MTM1: variants seen among roughly 807,000 people sequenced by gnomAD.
MTM1 encodes the protein myotubularin.
Under a neutral mutation model 52.1 loss-of-function variants are expected in MTM1, and 9 were observed. The ratio of observed to expected loss-of-function variants is 0.17; its 90% CI spans 0.10 to 0.30. The LOEUF (loss-of-function observed/expected upper bound fraction) is 0.30, where lower values mean the gene tolerates loss of function less well. Among genes scored for constraint, MTM1 ranks in the 10% least tolerant of loss-of-function variants. MTM1 has a pLI of 1.00. For missense variants in MTM1, 277 were observed against 470.7 expected (o/e 0.59, Z 3.81); for synonymous variants, 136 against 163.8 (o/e 0.83, Z 1.29).
rs782366890 is a variant in MTM1, at chrX:150,603,366, A to G, written c.231+4680A>G. On this transcript the variant is annotated intron_variant, in intron 4 of 14. Coordinates refer to ENST00000370396, the MANE Select transcript of MTM1 (RefSeq NM_000252.3). ...AGTTACACAGACAATGACATATCCA[A>G]TGTGATTTCAGGAAGAGAACTCCAG... Among the ~76,000 whole-genome samples, 7 of 111,923 alleles carry G rather than the reference A, an allele frequency of 6.3e-5. No individual in the cohort carries two copies. In the East Asian group the frequency reaches 1.4e-3, roughly 22 times the overall value.
intron 8 of MTM1, among the ~76,000 whole-genome samples, chrX:150,642,073 T>C (rs1423281075): frequency 2.0e-5 from 2 of 99,222 alleles, no homozygotes; most frequent in Non-Finnish European, 4.2e-5. Context: ...GGGTCTGTCA[T>C]AAGTACCTTG....
chrX:150,612,226 C>T (rs1328248361), intron 4 of MTM1, among the ~76,000 whole-genome samples: 3 of 110,636 alleles, frequency 2.7e-5, no homozygotes, highest in Non-Finnish European at 3.8e-5. Flanking sequence ...TTTCATTCCA[C>T]GTGATGCCCT....
intron 1 of MTM1, among the ~76,000 whole-genome samples, chrX:150,586,939 A>G (rs889933410): frequency 1.9e-5 from 2 of 107,211 alleles, no homozygotes; most frequent in African/African-American, 6.8e-5. Context: ...AGCATAAAGC[A>G]TCTCTGGTAG....
intron 1 of MTM1, chrX:150,590,962 C>G: frequency 1.6e-6 from 1 of 636,856 alleles, no homozygotes; most frequent in Non-Finnish European, 1.9e-6. Flanking sequence ...GCAGATACAT[C>G]TGACTTGCTC....
At chrX:150,658,690 A>G (rs1557414555) in intron 11 of MTM1, among the ~76,000 whole-genome samples, 1 of 111,609 alleles carries the variant, frequency 9.0e-6, no homozygotes, top group Non-Finnish European at 1.9e-5. Flanking sequence ...TGCCCTCTGA[A>G]TATACATTTT....
chrX:150,609,010 A>G (rs1269444470), intron 4 of MTM1, among the ~76,000 whole-genome samples: 1 of 110,473 alleles, frequency 9.1e-6, no homozygotes, highest in Non-Finnish European at 1.9e-5. Context: ...TTGTATTTTT[A>G]GTAGAGACGG....
chrX:150,627,431 G>A (rs1557413446), intron 6 of MTM1, among the ~76,000 whole-genome samples: 1 of 111,154 alleles, frequency 9.0e-6, no homozygotes, highest in Non-Finnish European at 1.9e-5. Flanking sequence ...CTTCTACTTC[G>A]GCTGTGCCTG....
intron 14 of MTM1, among the ~76,000 whole-genome samples, chrX:150,666,335 C>T (rs1475041907): frequency 8.9e-6 from 1 of 112,281 alleles, no homozygotes; most frequent in African/African-American, 3.2e-5. Context: ...ATTTTATACC[C>T]ATTACTTGAC....
At position 150,671,491 on chromosome X, in the gene MTM1, C is replaced by T. The variant is rs1320557351; in HGVS notation, c.1708C>T (p.Arg570Trp). The T allele has an allele frequency of 8.3e-7, 1 of 1,210,825 alleles. No individual in the cohort carries two copies. The highest frequency in any genetic ancestry group is 2.2e-5 in the Admixed American group (1 of 45,937). Residue 570 changes from arginine to tryptophan, a missense_variant, in exon 15 of 15, where the codon CGG becomes TGG. Transcript: ENST00000370396. ...AGCCTTACGCGACGAATACATAAAG[C>T]GGCTTGAGGAACTGCAGCTCGCCAA... ...LLALRDEYIK[R>W]LEELQLANSA... is the part of the protein sequence containing the mutation.
In MTM1 at chrX:150,649,794, G is replaced by C; in HGVS notation, c.946G>C (p.Val316Leu). The change falls in exon 10 of 15, where the codon GTT becomes CTT. Residue 316 changes from valine to leucine, a missense_variant. Transcript: ENST00000370396. The part of the protein sequence containing the change: ...LFFLDIHNIH[V>L]MRESLKKVKD... ...CTTCTTAGACATTCATAATATTCAT[G>C]TTATGCGGGAATCTTTAAAAAAAGT... is the stretch of plus-strand genomic sequence containing the variant. The C allele has an allele frequency of 5.0e-6, 6 of 1,207,011 alleles. No homozygotes were observed. The highest frequency in any genetic ancestry group is 6.7e-6 in the Non-Finnish European group (6 of 891,758).
upstream of MTM1, among the ~76,000 whole-genome samples, chrX:150,565,000 T>G (rs2038244319): frequency 8.9e-6 from 1 of 111,959 alleles, no homozygotes; most frequent in African/African-American, 3.3e-5. Context: ...AAAACCCATT[T>G]CACAGATGAG....
chrX:150,607,717 T>G (rs1557412866), intron 4 of MTM1, among the ~76,000 whole-genome samples: 1 of 111,651 alleles, frequency 9.0e-6, no homozygotes, highest in African/African-American at 3.3e-5. Context: ...ATTCTCTAGC[T>G]CCAGTTCCAA....
intron 4 of MTM1, among the ~76,000 whole-genome samples, chrX:150,614,241 A>G: frequency 8.9e-6 from 1 of 112,328 alleles, no homozygotes; most frequent in East Asian, 2.8e-4. Context: ...AAGCATCTGA[A>G]GAATGAAGAA....
At chrX:150,586,927 A>G (rs1324288887) in intron 1 of MTM1, among the ~76,000 whole-genome samples, 1 of 108,173 alleles carries the variant, frequency 9.2e-6, no homozygotes, top group African/African-American at 3.4e-5. Flanking sequence ...AAAAAAAAAA[A>G]AAGCATAAAG....
In MTM1 at chrX:150,583,856, A is replaced by C. The variant is rs1327297128; in HGVS notation, c.-10-8749A>C. Among the ~76,000 whole-genome samples, 40 of 50,137 alleles carry C rather than the reference A, an allele frequency of 8.0e-4. 5 individuals are homozygous for C. The highest frequency in any genetic ancestry group is 2.6e-3 in the Admixed American group (6 of 2,349). 43.5% of individuals were successfully genotyped at this position (50,137 alleles called of 115,157 possible). On this transcript the variant is annotated intron_variant, in intron 1 of 14. Transcript: ENST00000370396. ...ATATATAAATATATATCAAATATAT[A>C]AAATATATATTAAATATATATTAAA...
At chrX:150,618,617 A>G (rs1406005745) in intron 5 of MTM1, among the ~76,000 whole-genome samples, 13 of 111,646 alleles carry the variant, frequency 1.2e-4, no homozygotes, top group African/African-American at 4.2e-4. Flanking sequence ...TCATGCCACT[A>G]CACTCCAGCC....
intron 4 of MTM1, among the ~76,000 whole-genome samples, chrX:150,606,299 A>G (rs1037420805): frequency 9.0e-6 from 1 of 111,526 alleles, no homozygotes; most frequent in African/African-American, 3.3e-5. Context: ...CAAAAACCTA[A>G]TTCCTGCCAG....
rs782334756 is a variant in MTM1, at chrX:150,592,455, A to G, written c.-10-150A>G. 4.9e-5 allele frequency: 23 copies of G among 470,202 alleles called. No homozygotes were observed. The South Asian group carries it at 6.5e-4, about 13-fold the overall frequency. The allele number at this position is 470,202 out of a possible 1,213,427, so 38.7% of individuals were successfully genotyped here. A position where few individuals can be genotyped will look rare whatever the true frequency, so the allele number is the denominator to read the frequency against. On this transcript the variant is annotated intron_variant, in intron 1 of 14. Transcript: ENST00000370396. ...GCCTGTGCTCTGGTTCATCGTTTGT[A>G]TGTCTTATTACCACTGGGGCCTAGT... is the stretch of plus-strand genomic sequence containing the variant.
chrX:150,584,419 G>A (rs1345299891), intron 1 of MTM1, among the ~76,000 whole-genome samples: 1 of 111,223 alleles, frequency 9.0e-6, no homozygotes, highest in Admixed American at 9.7e-5. Context: ...AAATTTTAAA[G>A]ATATGCAAGG....
Sources: gnomAD v4.1 joint callset for allele counts (sites outside exome capture counted in the v4.1 genomes callset) on GRCh38, gnomAD v4.1.1 for gene constraint, MANE v1.5 for transcripts, NCBI Gene and HGNC (gene_info 2026-07-23, HGNC 2026-07-21) for gene names.